Variants in BRD3 observed in about 807,000 individuals in gnomAD.
BRD3 encodes bromodomain containing 3.
Under a neutral mutation model 66.8 loss-of-function variants are expected in BRD3, and 17 were observed. That is an observed-to-expected ratio of 0.25 (90% CI 0.17 to 0.38). The LOEUF (loss-of-function observed/expected upper bound fraction) is 0.38, where lower values mean the gene tolerates loss of function less well. Ranked by LOEUF, BRD3 falls within the 10% of genes least tolerant of loss-of-function variation. The pLI, the probability that BRD3 is intolerant of heterozygous loss-of-function variation, is 1.00. For synonymous variants in BRD3, 421 were observed against 393.2 expected (o/e 1.07, Z -0.84); for missense variants, 713 against 956.1 (o/e 0.75, Z 3.35).
At chr9:134,042,273 G>T (rs1374677434) in intron 7 of BRD3, among the ~76,000 whole-genome samples, 2 of 152,134 alleles carry the variant, frequency 1.3e-5, no homozygotes, top group Admixed American at 1.3e-4. Context: ...AGCTCCCTGG[G>T]GCTGCCTCTG....
At chr9:134,052,105 C>CTGG (rs1236532703) in intron 3 of BRD3, among the ~76,000 whole-genome samples, 2 of 152,068 alleles carry the variant, frequency 1.3e-5, no homozygotes, top group African/African-American at 2.4e-5. Context: ...GTTGCACAGG[C>CTGG]TGGTCTTGAA....
At chr9:134,056,815 T>TG (rs1830436219) in intron 1 of BRD3, 1 of 152,262 alleles carries the variant, frequency 6.6e-6, no homozygotes, top group African/African-American at 2.4e-5. Context: ...CAGGTCCCCG[T>TG]CCACAGCACA....
At chr9:134,065,826 A>C (rs1830639107) in intron 1 of BRD3, among the ~76,000 whole-genome samples, 1 of 152,242 alleles carries the variant, frequency 6.6e-6, no homozygotes, top group Admixed American at 6.5e-5. Flanking sequence ...CGCCTGGTGC[A>C]CAGGGCTCCC....
rs2301575 is a variant in BRD3, at chr9:134,050,404, G to A, written c.684C>T (p.Pro228=). The A allele has an allele frequency of 1.6e-3, 2,552 of 1,611,880 alleles. 135 individuals carry two copies. In the East Asian group the frequency reaches 0.056, roughly 36 times the overall value. ...CGACAGGCGGCGTAGGAGGGACCAC[G>A]GGGACGATGGGTGTGGCAGGAGGAG... ...APPPPATPIV[P]VVPPTPPVVK... The change falls in exon 5 of 12, where the codon CCC becomes CCT. Residue 228 remains proline, a synonymous_variant. Transcript: ENST00000303407.
chr9:134,058,940 A>G (rs1365470940), intron 1 of BRD3: 3 of 152,422 alleles, frequency 2.0e-5, no homozygotes, highest in East Asian at 3.9e-4. Flanking sequence ...AAAGCTGGGC[A>G]CTGGAGGCTG....
At chr9:134,062,810 G>T (rs1048109428) in intron 1 of BRD3, among the ~76,000 whole-genome samples, 9 of 152,226 alleles carry the variant, frequency 5.9e-5, no homozygotes, top group Admixed American at 3.3e-4. Flanking sequence ...GTCTGGGAAG[G>T]GCAGGAGAGC....
intron 9 of BRD3, among the ~76,000 whole-genome samples, chr9:134,038,948 A>G (rs776142709): frequency 1.3e-5 from 2 of 152,200 alleles, no homozygotes; most frequent in Non-Finnish European, 2.9e-5. Context: ...CAAAAAGGAG[A>G]GAGGGAGGGA....
intron 6 of BRD3, among the ~76,000 whole-genome samples, chr9:134,046,964 T>C (rs1830184254): frequency 6.6e-6 from 1 of 152,228 alleles, no homozygotes; most frequent in Non-Finnish European, 1.5e-5. Flanking sequence ...TCCTGTTAAC[T>C]GTGCTATGGT....
At chr9:134,040,999 G>A (rs967215140) in intron 8 of BRD3, among the ~76,000 whole-genome samples, 1 of 152,192 alleles carries the variant, frequency 6.6e-6, no homozygotes, top group African/African-American at 2.4e-5. Context: ...GAAGACAGAG[G>A]GCGGGTGGAG....
chr9:134,055,120 C>T (rs1446485419), intron 1 of BRD3, among the ~76,000 whole-genome samples: 2 of 152,174 alleles, frequency 1.3e-5, no homozygotes, highest in African/African-American at 4.8e-5. Flanking sequence ...CAGCCCCAGG[C>T]CAAAGCGTGG....
intron 1 of BRD3, among the ~76,000 whole-genome samples, chr9:134,067,346 G>C (rs1228237464): frequency 6.6e-6 from 1 of 151,554 alleles, no homozygotes; most frequent in Non-Finnish European, 1.5e-5. Flanking sequence ...GCCGAGCCCG[G>C]CCTTGCCCCC....
chr9:134,038,887 G>C (rs1829983192), intron 9 of BRD3, among the ~76,000 whole-genome samples: 1 of 152,116 alleles, frequency 6.6e-6, no homozygotes, highest in Admixed American at 6.5e-5. Context: ...CCTTATTTTA[G>C]ATAAAGGATA....
At chr9:134,063,487 G>A (rs1461858008) in intron 1 of BRD3, among the ~76,000 whole-genome samples, 1 of 152,138 alleles carries the variant, frequency 6.6e-6, no homozygotes. Flanking sequence ...CTCCAGTGAC[G>A]CATGGCACAG....
At position 134,045,202 on chromosome 9, in the gene BRD3, G is replaced by T; in HGVS notation, c.1215+91C>A. On this transcript the variant is annotated intron_variant, in intron 7 of 11. Coordinates refer to ENST00000303407, the MANE Select transcript of BRD3 (RefSeq NM_007371.4). This position sits in a 1 kb window ranked among gnomAD's most constrained non-coding sequence, Gnocchi z 4.8. ...AGGCTCTCTAAGGCCTTCCTCGGCTGGACATTCACCTGGGCGCTTACCCCA... is the reference window on the plus strand; with the variant it reads ...AGGCTCTCTAAGGCCTTCCTCGGCTTGACATTCACCTGGGCGCTTACCCCA... 1 of 1,537,162 alleles carries T rather than the reference G, an allele frequency of 6.5e-7. No individual in the cohort carries two copies. The highest frequency in any genetic ancestry group is 8.8e-7 in the Non-Finnish European group (1 of 1,130,244).
At chr9:134,037,228 T>C (rs1445065229) in intron 9 of BRD3, among the ~76,000 whole-genome samples, 1 of 152,134 alleles carries the variant, frequency 6.6e-6, no homozygotes, top group Non-Finnish European at 1.5e-5. Flanking sequence ...TGTGGGTATA[T>C]TAATTTCAGA....
chr9:134,048,869 C>T lies in BRD3; in HGVS notation c.715-415G>A, dbSNP rs145386529. Among the ~76,000 whole-genome samples the T allele has an allele frequency of 5.1e-3, 773 of 152,348 alleles. 5 individuals carry two copies. The highest frequency in any genetic ancestry group is 0.017 in the Middle Eastern group (5 of 294). On this transcript the variant is annotated intron_variant, in intron 5 of 11. Coordinates refer to ENST00000303407, the MANE Select transcript of BRD3 (RefSeq NM_007371.4). The stretch of plus-strand genomic sequence containing the variant: ...GCTGCAGAGACCTGGGAGGAACTCC[C>T]TGCTTCCAGGAAAGTTCCAGACAAG...
intron 1 of BRD3, among the ~76,000 whole-genome samples, chr9:134,067,550 G>A (rs916598570): frequency 1.4e-5 from 2 of 147,934 alleles, no homozygotes; most frequent in African/African-American, 2.4e-5. Flanking sequence ...GCGGAGGAAA[G>A]GGGGAAAAAA....
rs112563141 is a variant in BRD3 at position 134,033,960 on chromosome 9, C to T, written c.2066-255G>A. On this transcript the variant is annotated intron_variant, in intron 11 of 11. Transcript: ENST00000303407. The surrounding 1 kb of genome is among the most constrained non-coding windows in gnomAD (Gnocchi z 5.1). ...TGCGAGAAAGGCTGCCCATCAAAAA[C>T]ATCCACCAGTCACATGGCCACCAGC... Among the ~76,000 whole-genome samples the T allele has an allele frequency of 6.6e-6, 1 of 152,218 alleles. No individual in the cohort carries two copies. Among genetic ancestry groups the T allele is most frequent in the African/African-American group, 2.4e-5 (1 of 41,454 alleles).
At chr9:134,064,253 C>T (rs1830600532) in intron 1 of BRD3, among the ~76,000 whole-genome samples, 1 of 152,206 alleles carries the variant, frequency 6.6e-6, no homozygotes, top group Non-Finnish European at 1.5e-5. Context: ...CTCGGTCAGG[C>T]ATGGTGGCTC....
Sources: gnomAD v4.1 joint callset for allele counts (sites outside exome capture counted in the v4.1 genomes callset) on GRCh38, gnomAD v4.1.1 for gene constraint, Gnocchi (gnomAD v3.1) non-coding constraint, MANE v1.5 for transcripts, NCBI Gene and HGNC (gene_info 2026-07-23, HGNC 2026-07-21) for gene names.